EML6: variants seen among roughly 807,000 people sequenced by gnomAD.
EML6 encodes the protein echinoderm microtubule-associated protein-like 6.
A neutral mutation model predicts 240.1 loss-of-function variants in EML6; 154 were observed. The ratio of observed to expected loss-of-function variants is 0.64; its 90% CI spans 0.56 to 0.73. The LOEUF is 0.73. EML6 is among the 30% of genes least tolerant of loss of function. The pLI is 0.00. For synonymous variants in EML6, 1,148 were observed against 899.0 expected (o/e 1.28, Z -4.95); for missense variants, 2,964 against 2,474.6 (o/e 1.20, Z -4.20).
rs752770804 is a variant in EML6, at chr2:54,850,268, C to G, written c.1444+50C>G. The stretch of plus-strand genomic sequence containing the variant: ...GTTTCTGGAAAGCAAAATTTTGAAC[C>G]AGGTGAAGGAAATACAGGACAAGTG... On this transcript the variant is annotated intron_variant, in intron 10 of 41. Coordinates refer to ENST00000356458, the MANE Select transcript of EML6 (RefSeq NM_001039753.4). 417 of 1,507,082 alleles carry G rather than the reference C, an allele frequency of 2.8e-4. 2 individuals carry two copies. Among genetic ancestry groups the G allele is most frequent in the Non-Finnish European group, 3.2e-4 (353 of 1,111,140 alleles). 93.4% of individuals were successfully genotyped at this position (1,507,082 alleles called of 1,614,324 possible). A position where few individuals can be genotyped will look rare whatever the true frequency, so the allele number is the denominator to read the frequency against.
rs1334229969 is a variant in EML6, at chr2:54,724,922, C to T, written c.-140C>T. 4 of 583,682 alleles carry T rather than the reference C, an allele frequency of 6.9e-6. No individual in the cohort carries two copies. Among genetic ancestry groups the T allele is most frequent in the Admixed American group, 5.1e-5 (1 of 19,770 alleles). The allele number at this position is 583,682 out of a possible 1,614,324, so 36.2% of individuals were successfully genotyped here. Reference sequence around the variant, plus strand: ...GCGGATGATGGTGGCGGCCGGCCCGCTGGGCTGTGCCTGTGTGTCGCCGCG... The same window carrying T: ...GCGGATGATGGTGGCGGCCGGCCCGTTGGGCTGTGCCTGTGTGTCGCCGCG... On this transcript the variant is annotated 5_prime_UTR_variant, in exon 2 of 42. Coordinates refer to ENST00000356458, the MANE Select transcript of EML6 (RefSeq NM_001039753.4). This position sits in a 1 kb window ranked among gnomAD's most constrained non-coding sequence, Gnocchi z 5.2.
intron 14 of EML6, 51 bp downstream of exon 14, chr2:54,866,935 C>A: frequency 9.1e-7 from 1 of 1,095,508 alleles, no homozygotes; most frequent in Non-Finnish European, 1.4e-6. Flanking sequence ...CTCTGCCTGG[C>A]TGTCACCAAC....
At chr2:54,948,092 T>C (rs1473034420) in intron 28 of EML6, among the ~76,000 whole-genome samples, 1 of 152,094 alleles carries the variant, frequency 6.6e-6, no homozygotes, top group East Asian at 1.9e-4. Flanking sequence ...TACAGTTCTT[T>C]CTCGACCCAT....
chr2:54,903,216 C>G lies in EML6; in HGVS notation c.3277+20C>G. 6.5e-7 allele frequency: 1 copy of G among 1,548,986 alleles called. No individual in the cohort carries two copies. On this transcript the variant is annotated intron_variant, in intron 23 of 41. Transcript: ENST00000356458. Reference sequence around the variant, plus strand: ...CAAAAGGTGAAGATGACAGCAGATACTTTTTAAAATAGCACAGTCTTGGGA... The same window carrying G: ...CAAAAGGTGAAGATGACAGCAGATAGTTTTTAAAATAGCACAGTCTTGGGA...
chr2:54,796,552 C>G (rs1458422038), intron 2 of EML6, among the ~76,000 whole-genome samples: 2 of 150,454 alleles, frequency 1.3e-5, no homozygotes, highest in African/African-American at 4.9e-5. Context: ...AGCTTACTAT[C>G]TTAAAGGAAC....
intron 28 of EML6, among the ~76,000 whole-genome samples, chr2:54,937,078 G>A (rs1019891300): frequency 9.9e-5 from 15 of 151,208 alleles, no homozygotes; most frequent in Non-Finnish European, 2.1e-4. Flanking sequence ...TCAGGAGTTC[G>A]AGACGTGCCT....
intron 7 of EML6, among the ~76,000 whole-genome samples, chr2:54,842,968 T>C (rs780702625): frequency 1.3e-5 from 2 of 152,248 alleles, no homozygotes; most frequent in Non-Finnish European, 2.9e-5. Context: ...TTCTGAGACA[T>C]GGTGCATCTG....
intron 32 of EML6, among the ~76,000 whole-genome samples, chr2:54,956,390 T>C (rs530539016): frequency 3.8e-5 from 4 of 104,280 alleles, no homozygotes; most frequent in Non-Finnish European, 1.0e-4. Context: ...TTTTACTACT[T>C]GGAGTGGGAG....
intron 9 of EML6, among the ~76,000 whole-genome samples, chr2:54,848,146 T>G (rs1669870497): frequency 6.6e-6 from 1 of 152,108 alleles, no homozygotes; most frequent in Non-Finnish European, 1.5e-5. Flanking sequence ...AGTAAAAGAT[T>G]TCTTCTACCC....
intron 29 of EML6, 135 bp downstream of exon 29, chr2:54,949,095 C>A (rs1344770329): frequency 4.4e-6 from 3 of 685,854 alleles, no homozygotes. Context: ...GTCCCCTCTC[C>A]CTCCTACGTA....
intron 28 of EML6, among the ~76,000 whole-genome samples, chr2:54,929,017 C>G (rs1207888257): frequency 8.5e-6 from 1 of 117,686 alleles, no homozygotes; most frequent in Non-Finnish European, 1.9e-5. Context: ...CTACACTTCT[C>G]CATGCCCAGA....
intron 7 of EML6, 42 bp from the exon 8 acceptor site, chr2:54,844,001 TGTGA>T (rs1669613761): frequency 5.0e-6 from 6 of 1,200,112 alleles, no homozygotes; most frequent in Non-Finnish European, 6.0e-6. Flanking sequence ...TGTGTGTGTG[TGTGA>T]ATAGTGTGAA....
intron 35 of EML6, 21 bp from the exon 36 acceptor site, chr2:54,962,502 A>T (rs1220083953): frequency 6.6e-7 from 1 of 1,520,714 alleles, no homozygotes; most frequent in Non-Finnish European, 8.9e-7. Flanking sequence ...CCTTTTTCTA[A>T]TAGTGTTTCA....
chr2:54,765,700 T>A (rs947381716), intron 2 of EML6, among the ~76,000 whole-genome samples: 1 of 152,158 alleles, frequency 6.6e-6, no homozygotes, highest in Non-Finnish European at 1.5e-5. Context: ...GACCTCGTGA[T>A]CCACCAGTCT....
In EML6 at chr2:54,874,504, A is replaced by G. The variant is rs1026230127; in HGVS notation, c.2344+2899A>G. ...GATAACAATCACTGGGAAAGAGCCC[A>G]TTTTTCAGCAAATGTGTTGTTTTTG... On this transcript the variant is annotated intron_variant, in intron 16 of 41. Coordinates refer to ENST00000356458, the MANE Select transcript of EML6 (RefSeq NM_001039753.4). Among the ~76,000 whole-genome samples the G allele has an allele frequency of 2.0e-5, 3 of 152,122 alleles. No homozygotes were observed. In the East Asian group the frequency reaches 5.8e-4, roughly 29 times the overall value.
At chr2:54,759,105 T>G (rs1667866523) in intron 2 of EML6, among the ~76,000 whole-genome samples, 1 of 151,688 alleles carries the variant, frequency 6.6e-6, no homozygotes, top group Non-Finnish European at 1.5e-5. Flanking sequence ...TAGGTGGATG[T>G]TTTCAATTCC....
chr2:54,910,515 G>T (rs981962604), intron 24 of EML6, among the ~76,000 whole-genome samples: 2 of 152,196 alleles, frequency 1.3e-5, no homozygotes, highest in African/African-American at 4.8e-5. Flanking sequence ...TTAGAACTCA[G>T]TCCTAAGTAA....
At chr2:54,948,836 A>T in intron 28 of EML6, 46 bp from the exon 29 acceptor site, 3 of 1,462,272 alleles carry the variant, frequency 2.1e-6, no homozygotes, top group Non-Finnish European at 2.8e-6. Context: ...GCAGCCTTGC[A>T]GCCCTTGTTC....
At chr2:54,926,779 T>C (rs1042896022) in intron 26 of EML6, among the ~76,000 whole-genome samples, 19 of 152,190 alleles carry the variant, frequency 1.2e-4, no homozygotes, top group African/African-American at 4.6e-4. Flanking sequence ...TTTTTTCCTC[T>C]CTCTTTCTTC....
Sources: gnomAD v4.1 joint callset for allele counts (sites outside exome capture counted in the v4.1 genomes callset) on GRCh38, gnomAD v4.1.1 for gene constraint, Gnocchi (gnomAD v3.1) non-coding constraint, MANE v1.5 for transcripts, NCBI Gene and HGNC (gene_info 2026-07-23, HGNC 2026-07-21) for gene names.